Variants in MIR2052HG observed in about 807,000 individuals in gnomAD.
The protein encoded by MIR2052HG is MIR2052 host gene.
chr8:74,749,848 CAAA>C (rs10628806), intron 4 of MIR2052HG, among the ~76,000 whole-genome samples: 3 of 107,792 alleles, frequency 2.8e-5, no homozygotes, highest in Admixed American at 1.0e-4. Flanking sequence ...GACTCCATCT[CAAA>C]AAAAAAAAAA....
chr8:74,730,252 C>T lies in MIR2052HG; in HGVS notation n.372-22189C>T, dbSNP rs559790574. 3.3e-5 allele frequency among the ~76,000 whole-genome samples: 5 copies of T among 152,242 alleles called. No homozygotes were observed. In the East Asian group the frequency reaches 7.7e-4, roughly 24 times the overall value. On this transcript the variant is annotated intron_variant and non_coding_transcript_variant, in intron 4 of 6. Coordinates refer to ENST00000523442, the Ensembl canonical transcript of MIR2052HG. ...CTTCCACTGTTACCTTTTACATTTC[C>T]TTAATAATTTGATACTACTTTTCCA... is the stretch of plus-strand genomic sequence containing the variant.
At chr8:74,746,954 A>G (rs1438988552) in intron 4 of MIR2052HG, among the ~76,000 whole-genome samples, 1 of 152,176 alleles carries the variant, frequency 6.6e-6, no homozygotes, top group Non-Finnish European at 1.5e-5. Flanking sequence ...CTGTTTTACC[A>G]CCCAAGCCCC....
At chr8:74,722,060 T>C (rs950624757) in intron 4 of MIR2052HG, among the ~76,000 whole-genome samples, 1 of 152,166 alleles carries the variant, frequency 6.6e-6, no homozygotes, top group Non-Finnish European at 1.5e-5. Context: ...CATGTGGTCA[T>C]GCACCTGTAG....
At chr8:74,620,755 G>C (rs1808350149) in intron 2 of MIR2052HG, among the ~76,000 whole-genome samples, 2 of 152,214 alleles carry the variant, frequency 1.3e-5, no homozygotes, top group Admixed American at 1.3e-4. Context: ...GCCTGTGATG[G>C]GAAGGGCTGC....
At chr8:74,676,815 G>A (rs559007989) in intron 2 of MIR2052HG, among the ~76,000 whole-genome samples, 128 of 151,974 alleles carry the variant, frequency 8.4e-4, no homozygotes, top group Non-Finnish European at 5.9e-4. Flanking sequence ...ACACACATAC[G>A]AAAGGCAACT....
At chr8:74,682,782 T>C (rs1359427529) in intron 2 of MIR2052HG, among the ~76,000 whole-genome samples, 4 of 152,152 alleles carry the variant, frequency 2.6e-5, no homozygotes, top group African/African-American at 4.8e-5. Context: ...GAGAAACTCT[T>C]GTTCATGTTC....
At chr8:74,710,515 T>C (rs1809456903) in intron 4 of MIR2052HG, among the ~76,000 whole-genome samples, 1 of 152,182 alleles carries the variant, frequency 6.6e-6, no homozygotes, top group African/African-American at 2.4e-5. Context: ...AATTTAGAGA[T>C]TTTTAACATT....
chr8:74,756,155 G>C (rs1005596900), intron 5 of MIR2052HG, among the ~76,000 whole-genome samples: 36 of 152,158 alleles, frequency 2.4e-4, no homozygotes, highest in African/African-American at 7.7e-4. Context: ...TAGAATTATA[G>C]TTTCATTACA....
In MIR2052HG at chr8:74,671,401, G is replaced by A. The variant is rs111275465; in HGVS notation, n.217-30978G>A. 1.1e-4 allele frequency among the ~76,000 whole-genome samples: 17 copies of A among 152,098 alleles called. No individual in the cohort carries two copies. The South Asian group carries it at 1.2e-3, about 11-fold the overall frequency. On this transcript the variant is annotated intron_variant and non_coding_transcript_variant, in intron 2 of 6. Coordinates refer to ENST00000523442, the Ensembl canonical transcript of MIR2052HG. ...TTATACATATTCTAAGGATAGCTTC[G>A]CTTGTTTTTTAGTTCTTGCAAGTCT...
chr8:74,674,140 G>T (rs755801059), intron 2 of MIR2052HG, among the ~76,000 whole-genome samples: 85 of 59,152 alleles, frequency 1.4e-3, no homozygotes, highest in African/African-American at 2.5e-3. Context: ...AGGTTTTTGT[G>T]TGTGTGTGTG....
intron 2 of MIR2052HG, among the ~76,000 whole-genome samples, chr8:74,662,102 A>T (rs1056173653): frequency 7.2e-5 from 11 of 152,214 alleles, no homozygotes; most frequent in African/African-American, 2.7e-4. Flanking sequence ...ACTTTCTCAC[A>T]GCAAATCGAG....
intron 2 of MIR2052HG, among the ~76,000 whole-genome samples, chr8:74,613,783 G>C (rs1342951291): frequency 2.0e-5 from 3 of 152,148 alleles, no homozygotes; most frequent in Non-Finnish European, 2.9e-5. Flanking sequence ...TGCCATGCCT[G>C]GCCTGCAGGG....
intron 5 of MIR2052HG, among the ~76,000 whole-genome samples, chr8:74,756,439 T>G (rs1346456875): frequency 6.6e-6 from 1 of 152,180 alleles, no homozygotes. Flanking sequence ...TGGAACTCTG[T>G]CCCGTGAATC....
At chr8:74,681,987 T>A (rs1809130200) in intron 2 of MIR2052HG, among the ~76,000 whole-genome samples, 1 of 152,166 alleles carries the variant, frequency 6.6e-6, no homozygotes, top group Non-Finnish European at 1.5e-5. Flanking sequence ...TGGTTACCTA[T>A]GTAGGGGGAT....
At chr8:74,718,071 G>A (rs368635225) in intron 4 of MIR2052HG, among the ~76,000 whole-genome samples, 19 of 152,158 alleles carry the variant, frequency 1.2e-4, no homozygotes, top group South Asian at 6.2e-4. Flanking sequence ...ACAATGTTAC[G>A]TTGATTACTG....
chr8:74,721,972 T>G (rs980957237), intron 4 of MIR2052HG, among the ~76,000 whole-genome samples: 7 of 152,206 alleles, frequency 4.6e-5, no homozygotes, highest in Admixed American at 3.9e-4. Flanking sequence ...GCAGGAGGAC[T>G]GCTTGAGCCC....
Position 74,673,887 on chromosome 8 carries a change from G to GTATATATATATATATATATATA in MIR2052HG, n.217-28489_217-28468dup, listed in dbSNP as rs61228134. 1.1e-3 allele frequency among the ~76,000 whole-genome samples: 130 copies of GTATATATATATATATATATATA among 121,628 alleles called. 2 individuals carry two copies. Among genetic ancestry groups the GTATATATATATATATATATATA allele is most frequent in the African/African-American group, 4.8e-3 (122 of 25,474 alleles). 79.8% of individuals were successfully genotyped at this position (121,628 alleles called of 152,430 possible). Reference sequence around the variant, plus strand: ...GTCACAATCAACACAGTATTTTTTTGTATATATATATATATATATATATAC... The same window carrying GTATATATATATATATATATATA: ...GTCACAATCAACACAGTATTTTTTTGTATATATATATATATATATATATATATATATATATATATATATATAC... On this transcript the variant is annotated intron_variant and non_coding_transcript_variant, in intron 2 of 6. Transcript: ENST00000523442.
chr8:74,684,305 AT>A (rs1809156835), intron 2 of MIR2052HG, among the ~76,000 whole-genome samples: 2 of 151,972 alleles, frequency 1.3e-5, no homozygotes, highest in African/African-American at 4.8e-5. Flanking sequence ...CCTTGGGCAT[AT>A]CGTTTTTTTG....
At chr8:74,707,783 A>G (rs1809426248) in intron 4 of MIR2052HG, among the ~76,000 whole-genome samples, 2 of 152,248 alleles carry the variant, frequency 1.3e-5, no homozygotes, top group East Asian at 1.9e-4. Context: ...AGAATGGACA[A>G]TTTTTGTGAG....
Sources: gnomAD v4.1 joint callset for allele counts (sites outside exome capture counted in the v4.1 genomes callset) on GRCh38, gnomAD v4.1.1 for gene constraint, MANE v1.5 for transcripts, NCBI Gene and HGNC (gene_info 2026-07-23, HGNC 2026-07-21) for gene names.